The following MLLT1 variants were observed in gnomAD, a reference collection of about 807,000 sequenced individuals.
MLLT1 encodes protein ENL.
In MLLT1, 11 loss-of-function variants were observed where a neutral mutation model predicts 55.1. That is an observed-to-expected ratio of 0.20 (90% CI 0.13 to 0.33). The LOEUF (loss-of-function observed/expected upper bound fraction) is 0.33, where lower values mean the gene tolerates loss of function less well. Among genes scored for constraint, MLLT1 ranks in the 10% least tolerant of loss-of-function variants. The pLI, the probability that MLLT1 is intolerant of heterozygous loss-of-function variation, is 1.00. For missense variants in MLLT1, 536 were observed against 760.6 expected (o/e 0.70, Z 3.47); for synonymous variants, 323 against 320.1 (o/e 1.01, Z -0.10).
chr19:6,241,674 T>C lies in MLLT1; in HGVS notation c.277-10961A>G, dbSNP rs529861214. Among the ~76,000 whole-genome samples the C allele has an allele frequency of 2.6e-5, 4 of 152,306 alleles. No individual in the cohort carries two copies. In the East Asian group the frequency reaches 7.7e-4, roughly 29 times the overall value. On this transcript the variant is annotated intron_variant, in intron 3 of 11. Coordinates refer to ENST00000252674, the MANE Select transcript of MLLT1 (RefSeq NM_005934.4). ...CTGCAGCGATGGGCACCTTCGTTCT[T>C]TCCTTGTGCTTCTCTGCCCGGCTCC...
rs1354625212 is a variant in MLLT1 at position 6,262,565 on chromosome 19, G to T, written c.194-255C>A. On this transcript the variant is annotated intron_variant, in intron 2 of 11. Transcript: ENST00000252674. The surrounding 1 kb of genome is among the most constrained non-coding windows in gnomAD (Gnocchi z 4.4). ...GGCATGGTCAGCAGAGAGTGAGAAG[G>T]AACGTTAGCCTGTCATCGGGATACT... Among the ~76,000 whole-genome samples, 1 of 152,226 alleles carries T rather than the reference G, an allele frequency of 6.6e-6. No individual in the cohort carries two copies. Among genetic ancestry groups the T allele is most frequent in the Non-Finnish European group, 1.5e-5 (1 of 68,036 alleles).
Position 6,231,014 on chromosome 19 carries a change from CAG to C in MLLT1, c.277-303_277-302del, listed in dbSNP as rs777352791. 2.0e-5 allele frequency among the ~76,000 whole-genome samples: 3 copies of C among 152,236 alleles called. No homozygotes were observed. The highest frequency in any genetic ancestry group is 2.9e-5 in the Non-Finnish European group (2 of 68,046). On this transcript the variant is annotated intron_variant, in intron 3 of 11. Transcript: ENST00000252674. The surrounding 1 kb of genome is among the most constrained non-coding windows in gnomAD (Gnocchi z 5.1). ...CCTTCAACCCTCACAGCGCCACTGA[CAG>C]ACAGGGAAACCGACGCACAGACACC... is the stretch of plus-strand genomic sequence containing the variant.
chr19:6,239,746 ACAC>A (rs1489361063), intron 3 of MLLT1, among the ~76,000 whole-genome samples: 1 of 147,842 alleles, frequency 6.8e-6, no homozygotes, highest in Non-Finnish European at 1.5e-5. Flanking sequence ...AGACTTACAC[ACAC>A]ACCTATGTAC....
Position 6,216,655 on chromosome 19 carries a change from G to T in MLLT1, c.1199-142C>A, listed in dbSNP as rs982147279. On this transcript the variant is annotated intron_variant, in intron 7 of 11. Transcript: ENST00000252674. Reference sequence around the variant, plus strand: ...CACGCCCGTCCACCTGGGGGTCCCTGTGCCCATCTCTAAGAACTGCCCCCA... The same window carrying T: ...CACGCCCGTCCACCTGGGGGTCCCTTTGCCCATCTCTAAGAACTGCCCCCA... 6.5e-6 allele frequency: 4 copies of T among 612,648 alleles called. No homozygotes were observed. The African/African-American group carries it at 7.5e-5, about 11-fold the overall frequency. 38.0% of individuals were successfully genotyped at this position (612,648 alleles called of 1,614,324 possible).
chr19:6,238,352 T>C (rs1011450827), intron 3 of MLLT1, among the ~76,000 whole-genome samples: 12 of 152,232 alleles, frequency 7.9e-5, no homozygotes, highest in Non-Finnish European at 8.8e-5. Context: ...TTAGGGTTTT[T>C]GTTTTAAGAA....
intron 2 of MLLT1, among the ~76,000 whole-genome samples, chr19:6,267,859 C>A (rs1297303298): frequency 1.3e-5 from 2 of 152,164 alleles, no homozygotes; most frequent in African/African-American, 4.8e-5. Context: ...TACTGGTGGC[C>A]TTGCCCTCCT....
chr19:6,227,190 T>C lies in MLLT1; in HGVS notation c.421-88A>G. Reference sequence around the variant, plus strand: ...GGCTGAAGGTGGTGGGGCTTCCCTCTGCAGGAGGGGAGAAGGGAGAGCCTG... The same window carrying C: ...GGCTGAAGGTGGTGGGGCTTCCCTCCGCAGGAGGGGAGAAGGGAGAGCCTG... On this transcript the variant is annotated intron_variant, in intron 4 of 11. Coordinates refer to ENST00000252674, the MANE Select transcript of MLLT1 (RefSeq NM_005934.4). This position sits in a 1 kb window ranked among gnomAD's most constrained non-coding sequence, Gnocchi z 5.1. The C allele has an allele frequency of 7.3e-7, 1 of 1,362,780 alleles. No homozygotes were observed. Among genetic ancestry groups the C allele is most frequent in the Non-Finnish European group, 1.0e-6 (1 of 1,004,278 alleles). 84.4% of individuals were successfully genotyped at this position (1,362,780 alleles called of 1,614,324 possible).
At chr19:6,215,243 C>T (rs1013484773) in intron 8 of MLLT1, among the ~76,000 whole-genome samples, 3 of 152,238 alleles carry the variant, frequency 2.0e-5, no homozygotes, top group African/African-American at 4.8e-5. Flanking sequence ...AAAGGCGCTT[C>T]GCGTGTGGCT....
chr19:6,279,502 G>A (rs2091446037), intron 1 of MLLT1, among the ~76,000 whole-genome samples: 2 of 151,914 alleles, frequency 1.3e-5, no homozygotes, highest in Non-Finnish European at 2.9e-5. Context: ...GTCTCCCGGG[G>A]GTCTCCGAGC....
In MLLT1 at chr19:6,219,885, C is replaced by T. The variant is rs2090878882; in HGVS notation, c.1111-1844G>A. ...CAGTCAGGCACACGCATCCCCTTTC[C>T]TTCCGCCCAAATCCAAGGGGCAGGG... On this transcript the variant is annotated intron_variant, in intron 6 of 11. Transcript: ENST00000252674. The surrounding 1 kb of genome is among the most constrained non-coding windows in gnomAD (Gnocchi z 4.5). Among the ~76,000 whole-genome samples, 1 of 152,256 alleles carries T rather than the reference C, an allele frequency of 6.6e-6. No individual in the cohort carries two copies. The highest frequency in any genetic ancestry group is 2.4e-5 in the African/African-American group (1 of 41,464).
At chr19:6,243,667 C>T (rs993636872) in intron 3 of MLLT1, among the ~76,000 whole-genome samples, 6 of 152,008 alleles carry the variant, frequency 3.9e-5, no homozygotes, top group Non-Finnish European at 8.8e-5. Flanking sequence ...GCCCCAGCCC[C>T]GCTTCATCAC....
intron 1 of MLLT1, among the ~76,000 whole-genome samples, chr19:6,274,135 G>A (rs1029617074): frequency 6.6e-6 from 1 of 152,254 alleles, no homozygotes; most frequent in Non-Finnish European, 1.5e-5. Flanking sequence ...CAACAGATGC[G>A]AAGTTCGGGT....
In MLLT1 at chr19:6,212,836, G is replaced by T; in HGVS notation, c.*206C>A. ...GAGCCCGGGGGGCGGCTCCCGTGTG[G>T]CCCAGCCCGGCCCCAGGGCTCCTGG... is the stretch of plus-strand genomic sequence containing the variant. On this transcript the variant is annotated 3_prime_UTR_variant, in exon 12 of 12. Coordinates refer to ENST00000252674, the MANE Select transcript of MLLT1 (RefSeq NM_005934.4). The T allele has an allele frequency of 2.2e-6, 2 of 909,982 alleles. No individual in the cohort carries two copies. The highest frequency in any genetic ancestry group is 3.1e-6 in the Non-Finnish European group (2 of 643,588). The allele number at this position is 909,982 out of a possible 1,614,324, so 56.4% of individuals were successfully genotyped here. A position where few individuals can be genotyped will look rare whatever the true frequency, so the allele number is the denominator to read the frequency against.
chr19:6,243,667 C>CA (rs2091137345), intron 3 of MLLT1, among the ~76,000 whole-genome samples: 1 of 152,008 alleles, frequency 6.6e-6, no homozygotes, highest in Non-Finnish European at 1.5e-5. Context: ...GCCCCAGCCC[C>CA]GCTTCATCAC....
At chr19:6,224,021 C>T (rs2090930759) in intron 5 of MLLT1, among the ~76,000 whole-genome samples, 1 of 152,172 alleles carries the variant, frequency 6.6e-6, no homozygotes, top group Admixed American at 6.5e-5. Flanking sequence ...AGGAGGGGGG[C>T]CACGCTTCAC....
At position 6,212,028 on chromosome 19, in the gene MLLT1, C is replaced by T; in HGVS notation, c.*1014G>A. The T allele has an allele frequency of 2.8e-6, 3 of 1,066,028 alleles. No homozygotes were observed. The highest frequency in any genetic ancestry group is 4.2e-4 in the Middle Eastern group (1 of 2,402). 66.0% of individuals were successfully genotyped at this position (1,066,028 alleles called of 1,614,324 possible). ...AGAGTTCAATGCGCCTCAGAAAACT[C>T]CATAAACTATCCCGTCTTATTTGGC... On this transcript the variant is annotated 3_prime_UTR_variant, in exon 12 of 12. Transcript: ENST00000252674.
chr19:6,261,114 C>T (rs1018251922), intron 3 of MLLT1, among the ~76,000 whole-genome samples: 3 of 152,228 alleles, frequency 2.0e-5, no homozygotes, highest in African/African-American at 7.2e-5. Context: ...AGCCCGGGCA[C>T]ACACCTGGCA....
intron 3 of MLLT1, among the ~76,000 whole-genome samples, chr19:6,239,910 G>C (rs921925172): frequency 2.0e-5 from 3 of 152,048 alleles, no homozygotes; most frequent in Non-Finnish European, 4.4e-5. Flanking sequence ...ATATCACCTT[G>C]GCTTTGTCAT....
intron 3 of MLLT1, among the ~76,000 whole-genome samples, chr19:6,234,519 G>T (rs2091041952): frequency 6.6e-6 from 1 of 152,186 alleles, no homozygotes; most frequent in African/African-American, 2.4e-5. Flanking sequence ...CCCGGAGAAG[G>T]CAAGCAGCTA....
Sources: gnomAD v4.1 joint callset for allele counts (sites outside exome capture counted in the v4.1 genomes callset) on GRCh38, gnomAD v4.1.1 for gene constraint, Gnocchi (gnomAD v3.1) non-coding constraint, MANE v1.5 for transcripts, NCBI Gene and HGNC (gene_info 2026-07-23, HGNC 2026-07-21) for gene names.